The following SLCO1A2 variants were observed in gnomAD, a reference collection of about 807,000 sequenced individuals.
SLCO1A2 encodes the protein solute carrier organic anion transporter family member 1A2.
SLCO1A2 carries 67 observed loss-of-function variants against 69.0 expected under a neutral mutation model. The observed-to-expected ratio is 0.97, with a 90% confidence interval of 0.80 to 1.19. The LOEUF (loss-of-function observed/expected upper bound fraction) is 1.19. Among genes scored for constraint, SLCO1A2 ranks in the 50% most tolerant of loss-of-function variants. The pLI, the probability that SLCO1A2 is intolerant of heterozygous loss-of-function variation, is 0.00. For missense variants in SLCO1A2, 787 were observed against 793.7 expected, an observed-to-expected ratio of 0.99 and a Z score of 0.10; for synonymous variants, 260 against 265.9, an observed-to-expected ratio of 0.98 and a Z score of 0.22.
intron 5 of SLCO1A2, 69 bp from the exon 6 acceptor site, chr12:21,304,642 T>C (rs1346346428): frequency 2.1e-6 from 3 of 1,403,762 alleles, no homozygotes; most frequent in Non-Finnish European, 2.0e-6. Context: ...TAATTCTATG[T>C]TTTCTGTAGG....
At chr12:21,318,743 C>T (rs778571490) in intron 3 of SLCO1A2, 39 bp downstream of exon 3, 1 of 1,559,564 alleles carries the variant, frequency 6.4e-7, no homozygotes, top group East Asian at 2.3e-5. Flanking sequence ...ACAGATAAGA[C>T]AAAATACAAA....
At position 21,314,543 on chromosome 12, in the gene SLCO1A2, A is replaced by G. The variant is rs761907432; in HGVS notation, c.335+6T>C. On this transcript the variant is annotated splice_donor_region_variant and intron_variant, in intron 4 of 14. Transcript: ENST00000683939. ...CCACCCAAAATTATCAGACTGGAGTACTTACTGGTTCATGAGGAAATGAGG... is the reference window on the plus strand; with the variant it reads ...CCACCCAAAATTATCAGACTGGAGTGCTTACTGGTTCATGAGGAAATGAGG... 1 of 1,613,590 alleles carries G rather than the reference A, an allele frequency of 6.2e-7. No homozygotes were observed. Among genetic ancestry groups the G allele is most frequent in the Non-Finnish European group, 8.5e-7 (1 of 1,179,908 alleles).
At position 21,267,830 on chromosome 12, in the gene SLCO1A2, A is replaced by C. The variant is rs1477116001; in HGVS notation, c.*1718T>G. ...CATTCTCCTCACTTCCTCCCACCAC[A>C]AAGGAAGTGGCTCCAAATTTCATGT... On this transcript the variant is annotated 3_prime_UTR_variant, in exon 15 of 15. Coordinates refer to ENST00000683939, the MANE Select transcript of SLCO1A2 (RefSeq NM_001386879.1). 6.6e-6 allele frequency: 1 copy of C among 151,996 alleles called. No homozygotes were observed. Among genetic ancestry groups the C allele is most frequent in the African/African-American group, 2.4e-5 (1 of 41,414 alleles). 9.4% of individuals were successfully genotyped at this position (151,996 alleles called of 1,614,324 possible).
Position 21,268,162 on chromosome 12 carries a change from A to G in SLCO1A2, c.*1386T>C, listed in dbSNP as rs1163045141. The G allele has an allele frequency of 4.6e-5, 7 of 152,190 alleles. No individual in the cohort carries two copies. The East Asian group carries it at 1.4e-3, about 29-fold the overall frequency. 9.4% of individuals were successfully genotyped at this position (152,190 alleles called of 1,614,324 possible). On this transcript the variant is annotated 3_prime_UTR_variant, in exon 15 of 15. Transcript: ENST00000683939. ...GTAAAGCATCTGTACAAAGTCCTTC[A>G]GTTAACTGGCCTGCTTTCTGTCCAG...
intron 1 of SLCO1A2, among the ~76,000 whole-genome samples, chr12:21,409,840 G>T (rs185738752): frequency 6.6e-6 from 1 of 152,138 alleles, no homozygotes; most frequent in East Asian, 1.9e-4. Context: ...CACATTATGT[G>T]TGTTCTCTTC....
intron 8 of SLCO1A2, among the ~76,000 whole-genome samples, chr12:21,300,085 A>C (rs568119847): frequency 6.1e-5 from 9 of 146,778 alleles, no homozygotes; most frequent in Non-Finnish European, 9.2e-5. Flanking sequence ...TATATATGAA[A>C]GAGAGAGAGA....
intron 2 of SLCO1A2, among the ~76,000 whole-genome samples, chr12:21,361,845 A>G (rs901242293): frequency 6.6e-6 from 1 of 152,150 alleles, no homozygotes; most frequent in Non-Finnish European, 1.5e-5. Context: ...AGTTTAGAGA[A>G]AAAAGAGTAA....
intron 8 of SLCO1A2, among the ~76,000 whole-genome samples, chr12:21,299,890 G>GTATATA (rs35059155): frequency 2.4e-3 from 342 of 141,242 alleles, no homozygotes; most frequent in African/African-American, 8.1e-3. Flanking sequence ...ATATATACGT[G>GTATATA]TATATATATA....
chr12:21,287,079 C>G (rs11045937), intron 12 of SLCO1A2, among the ~76,000 whole-genome samples: 26,264 of 113,010 alleles, frequency 0.23, 3,177 homozygotes, highest in African/African-American at 0.38. Context: ...AGGCAACCTA[C>G]AAAATGGGAG....
At chr12:21,290,465 CAAAT>C (rs1946669936) in intron 12 of SLCO1A2, among the ~76,000 whole-genome samples, 1 of 151,880 alleles carries the variant, frequency 6.6e-6, no homozygotes, top group Admixed American at 6.6e-5. Context: ...TGGGAACAGG[CAAAT>C]AAATCTGTGG....
At chr12:21,403,459 A>G (rs753968948) in intron 1 of SLCO1A2, 1 of 152,102 alleles carries the variant, frequency 6.6e-6, no homozygotes, top group Non-Finnish European at 1.5e-5. Flanking sequence ...TTGCTTCCAT[A>G]CTGTAAGACC....
intron 4 of SLCO1A2, among the ~76,000 whole-genome samples, chr12:21,313,719 A>G (rs2136671314): frequency 6.6e-6 from 1 of 152,078 alleles, no homozygotes; most frequent in South Asian, 2.1e-4. Context: ...TGTCTCAACA[A>G]AAATAAAAAC....
intron 2 of SLCO1A2, among the ~76,000 whole-genome samples, chr12:21,321,489 C>G (rs1408231637): frequency 6.6e-6 from 1 of 152,282 alleles, no homozygotes; most frequent in African/African-American, 2.4e-5. Context: ...TAATAAAATA[C>G]ATAGTTAGCA....
At chr12:21,401,123 C>T (rs1010116788) in intron 1 of SLCO1A2, among the ~76,000 whole-genome samples, 2 of 151,128 alleles carry the variant, frequency 1.3e-5, no homozygotes, top group Admixed American at 1.3e-4. Flanking sequence ...CTTGCATTAG[C>T]TAATACAAGA....
At chr12:21,332,005 G>A (rs1329953057) in intron 2 of SLCO1A2, among the ~76,000 whole-genome samples, 1 of 152,064 alleles carries the variant, frequency 6.6e-6, no homozygotes, top group Non-Finnish European at 1.5e-5. Context: ...AAGGTCAGGG[G>A]CACCTCCACT....
intron 2 of SLCO1A2, among the ~76,000 whole-genome samples, chr12:21,340,456 G>A (rs766615445): frequency 4.6e-5 from 7 of 151,964 alleles, no homozygotes; most frequent in South Asian, 2.1e-4. Context: ...ATGTTTCCAC[G>A]TTGGAAGAAG....
chr12:21,369,671 C>A (rs754550115), intron 2 of SLCO1A2, among the ~76,000 whole-genome samples: 3 of 152,142 alleles, frequency 2.0e-5, no homozygotes, highest in African/African-American at 7.2e-5. Flanking sequence ...AAGGAAAGAT[C>A]ATTTTTGAAA....
At position 21,300,523 on chromosome 12, in the gene SLCO1A2, C is replaced by A. The variant is rs1406331581; in HGVS notation, c.735G>T (p.Trp245Cys). Residue 245 changes from tryptophan to cysteine, a missense_variant, in exon 8 of 15, where the codon TGG becomes TGT. Transcript: ENST00000683939. ...CTGCACAAATCAGAAAGCCAAACCA[C>A]CATGCACCGACCCAACGAGTGTCAG... ...TPTDTRWVGA[W>C]WFGFLICAGV... The A allele has an allele frequency of 1.9e-6, 3 of 1,613,178 alleles. No homozygotes were observed. The highest frequency in any genetic ancestry group is 1.3e-5 in the African/African-American group (1 of 74,868).
intron 2 of SLCO1A2, among the ~76,000 whole-genome samples, chr12:21,369,215 A>T (rs1192884340): frequency 6.6e-6 from 1 of 152,134 alleles, no homozygotes; most frequent in Non-Finnish European, 1.5e-5. Context: ...ATATCCTGAC[A>T]CTCATGTTTA....
Sources: allele counts gnomAD v4.1 joint callset (sites outside exome capture counted in the v4.1 genomes callset), GRCh38; gene constraint gnomAD v4.1.1; transcripts MANE v1.5; gene names NCBI Gene and HGNC (gene_info 2026-07-23, HGNC 2026-07-21).